CCDC38: variants seen among roughly 807,000 people sequenced by gnomAD.
The protein encoded by CCDC38 is coiled-coil domain-containing protein 38.
CCDC38 carries 69 observed loss-of-function variants against 72.8 expected under a neutral mutation model. That is an observed-to-expected ratio of 0.95 (90% CI 0.78 to 1.16). The LOEUF (loss-of-function observed/expected upper bound fraction) is 1.16. Ranked by LOEUF, CCDC38 falls within the 50% of genes most tolerant of loss-of-function variation. CCDC38 has a pLI of 0.00. For synonymous variants in CCDC38, 201 were observed against 213.2 expected, an observed-to-expected ratio of 0.94 and a Z score of 0.50; for missense variants, 626 against 638.9, an observed-to-expected ratio of 0.98 and a Z score of 0.22.
chr12:95,933,147 C>G lies in CCDC38; in HGVS notation c.37+3326G>C, dbSNP rs558400077. On this transcript the variant is annotated intron_variant, in intron 2 of 15. Coordinates refer to ENST00000344280, the MANE Select transcript of CCDC38 (RefSeq NM_182496.3). ...TTAGGCCTTTGCTAGGGAAAGATTT[C>G]TTAAAAACACAAAAAGTAGTAACTA... 2.6e-5 allele frequency: 4 copies of G among 152,204 alleles called. No homozygotes were observed. In the East Asian group the frequency reaches 7.7e-4, roughly 29 times the overall value. 9.4% of individuals were successfully genotyped at this position (152,204 alleles called of 1,614,324 possible).
At chr12:95,934,422 C>T (rs1472172890) in intron 2 of CCDC38, 1 of 152,108 alleles carries the variant, frequency 6.6e-6, no homozygotes, top group Non-Finnish European at 1.5e-5. Context: ...AAAACTCATG[C>T]TGCTTGTTGT....
intron 4 of CCDC38, among the ~76,000 whole-genome samples, chr12:95,913,219 T>C (rs1032705414): frequency 6.6e-6 from 1 of 152,214 alleles, no homozygotes; most frequent in Non-Finnish European, 1.5e-5. Context: ...TATGAGTAAA[T>C]TACCCTCTCT....
chr12:95,884,578 T>C (rs2079736649), intron 10 of CCDC38, among the ~76,000 whole-genome samples: 1 of 152,222 alleles, frequency 6.6e-6, no homozygotes, highest in Non-Finnish European at 1.5e-5. Context: ...AGTAACTTAT[T>C]CTCTCACAGT....
chr12:95,872,209 C>T, intron 14 of CCDC38, 46 bp downstream of exon 14: 3 of 1,571,980 alleles, frequency 1.9e-6, no homozygotes, highest in Non-Finnish European at 2.6e-6. Flanking sequence ...GGAATCTGAG[C>T]AAAACCAGCT....
intron 4 of CCDC38, among the ~76,000 whole-genome samples, chr12:95,908,198 G>C (rs1053547322): frequency 5.3e-5 from 8 of 151,764 alleles, no homozygotes; most frequent in Non-Finnish European, 1.0e-4. Flanking sequence ...AGGAGACTCC[G>C]TCTGCAATCC....
intron 2 of CCDC38, chr12:95,935,540 A>G: frequency 3.1e-6 from 1 of 324,134 alleles, no homozygotes; most frequent in Non-Finnish European, 6.3e-6. Flanking sequence ...GAGAGAGAAC[A>G]AACGTCTATC....
intron 8 of CCDC38, among the ~76,000 whole-genome samples, chr12:95,893,407 TTCCCTCCCTCCCTCCCTCCCTCCC>T (rs71091218): frequency 1.2e-5 from 1 of 85,256 alleles, no homozygotes; most frequent in Non-Finnish European, 2.2e-5. Flanking sequence ...CTTATCTTCC[TTCCCTCCCTCCCTCCCTCCCTCCC>T]TCCCTCCCTC....
At chr12:95,907,325 A>G (rs1391276254) in intron 4 of CCDC38, among the ~76,000 whole-genome samples, 1 of 144,980 alleles carries the variant, frequency 6.9e-6, no homozygotes, top group African/African-American at 2.6e-5. Flanking sequence ...GCCCGTTCTC[A>G]ATGAGCTGTT....
chr12:95,927,899 G>C (rs1485810618), intron 2 of CCDC38, among the ~76,000 whole-genome samples: 3 of 149,886 alleles, frequency 2.0e-5, no homozygotes, highest in Middle Eastern at 3.4e-3. Flanking sequence ...GGTTTCTGCC[G>C]AGAGATCCAC....
chr12:95,923,041 T>G (rs180790131), intron 2 of CCDC38, among the ~76,000 whole-genome samples: 122 of 152,186 alleles, frequency 8.0e-4, no homozygotes, highest in African/African-American at 2.7e-3. Context: ...AGGGTCTGAG[T>G]AGAAAAGGCT....
chr12:95,888,639 T>C lies in CCDC38; in HGVS notation c.872-133A>G, dbSNP rs2121450390. 7.3e-6 allele frequency: 5 copies of C among 685,602 alleles called. No individual in the cohort carries two copies. The South Asian group carries it at 9.2e-5, about 13-fold the overall frequency. The allele number at this position is 685,602 out of a possible 1,614,324, so 42.5% of individuals were successfully genotyped here. ...TCTGCACAGACATGCCCATTACTTC[T>C]TTCTTTTTTTAAAAAATTATTTTAT... On this transcript the variant is annotated intron_variant, in intron 9 of 15. Transcript: ENST00000344280.
At chr12:95,916,141 C>G (rs1592791383) in intron 4 of CCDC38, among the ~76,000 whole-genome samples, 1 of 152,198 alleles carries the variant, frequency 6.6e-6, no homozygotes, top group East Asian at 1.9e-4. Flanking sequence ...TGCCCTAGAA[C>G]TTGTGGTACA....
chr12:95,927,087 T>G (rs2080279840), intron 2 of CCDC38, among the ~76,000 whole-genome samples: 1 of 152,126 alleles, frequency 6.6e-6, no homozygotes, highest in Non-Finnish European at 1.5e-5. Flanking sequence ...GTTCAATTCC[T>G]GGGTATGCTT....
At chr12:95,927,314 A>G (rs1336391612) in intron 2 of CCDC38, among the ~76,000 whole-genome samples, 1 of 151,182 alleles carries the variant, frequency 6.6e-6, no homozygotes, top group Non-Finnish European at 1.5e-5. Flanking sequence ...GTCTCTTTTG[A>G]TCTTTGTTGG....
At chr12:95,917,827 C>T (rs964398309) in intron 3 of CCDC38, among the ~76,000 whole-genome samples, 1 of 147,862 alleles carries the variant, frequency 6.8e-6, no homozygotes, top group Non-Finnish European at 1.5e-5. Context: ...GCCGAGATCA[C>T]ACCACCGCAC....
At chr12:95,932,944 T>C (rs377253099) in intron 2 of CCDC38, among the ~76,000 whole-genome samples, 1 of 152,090 alleles carries the variant, frequency 6.6e-6, no homozygotes, top group African/African-American at 2.4e-5. Context: ...TATCCATACA[T>C]GGGGAAAGGA....
chr12:95,921,690 C>T (rs1205284454), intron 2 of CCDC38, among the ~76,000 whole-genome samples: 1 of 152,038 alleles, frequency 6.6e-6, no homozygotes. Flanking sequence ...GGTAGGGACA[C>T]AGAGCCAAAC....
intron 5 of CCDC38, among the ~76,000 whole-genome samples, chr12:95,899,815 G>T (rs2079931805): frequency 6.6e-6 from 1 of 152,114 alleles, no homozygotes; most frequent in African/African-American, 2.4e-5. Context: ...TGTTTTAAGG[G>T]GTGTAAATAG....
chr12:95,867,487 A>C (rs1337094001), intron 15 of CCDC38, among the ~76,000 whole-genome samples: 1 of 152,224 alleles, frequency 6.6e-6, no homozygotes, highest in African/African-American at 2.4e-5. Flanking sequence ...TGGTCAGCCT[A>C]GAAAAGCACC....
Sources: gnomAD v4.1 joint callset for allele counts (sites outside exome capture counted in the v4.1 genomes callset) on GRCh38, gnomAD v4.1.1 for gene constraint, MANE v1.5 for transcripts, NCBI Gene and HGNC (gene_info 2026-07-23, HGNC 2026-07-21) for gene names.